Variants in HNRNPH3 observed in about 807,000 individuals in gnomAD.
The protein encoded by HNRNPH3 is heterogeneous nuclear ribonucleoprotein H3, also known as heterogeneous nuclear ribonucleoprotein 2H9.
HNRNPH3 carries 7 observed loss-of-function variants against 47.0 expected under a neutral mutation model. That is an observed-to-expected ratio of 0.15 (90% CI 0.08 to 0.28). HNRNPH3 has a LOEUF of 0.28. Among genes scored for constraint, HNRNPH3 ranks in the 10% least tolerant of loss-of-function variants. The pLI is 1.00. For synonymous variants in HNRNPH3, 120 were observed against 143.2 expected, an observed-to-expected ratio of 0.84 and a Z score of 1.16; for missense variants, 279 against 449.6, an observed-to-expected ratio of 0.62 and a Z score of 3.43.
intron 1 of HNRNPH3, among the ~76,000 whole-genome samples, chr10:68,334,958 G>A (rs982547632): frequency 3.3e-5 from 5 of 152,112 alleles, no homozygotes; most frequent in African/African-American, 2.4e-5. Context: ...TAGTTTTGAA[G>A]GGGTTGGTAG....
At chr10:68,339,101 G>C (rs368135325) in intron 4 of HNRNPH3, 39 bp from the exon 5 acceptor site, 15 of 1,438,798 alleles carry the variant, frequency 1.0e-5, no homozygotes, top group East Asian at 6.9e-5. Flanking sequence ...TTTATCTCTG[G>C]AAAGTGTGTA....
chr10:68,339,051 A>G, intron 4 of HNRNPH3, 89 bp from the exon 5 acceptor site: 8 of 1,040,346 alleles, frequency 7.7e-6, no homozygotes, highest in Non-Finnish European at 1.1e-5. Flanking sequence ...AGTTACACAG[A>G]CTGTTACCAC....
chr10:68,338,221 A>T (rs1175494518), intron 3 of HNRNPH3: 5 of 458,648 alleles, frequency 1.1e-5, no homozygotes, highest in Non-Finnish European at 1.9e-5. Flanking sequence ...TTGTTGATAA[A>T]TGCTTTTGTA....
Position 68,337,745 on chromosome 10 carries a change from TTTTTGTTTTG to T in HNRNPH3, c.113-99_113-90del, listed in dbSNP as rs55863130. 1 of 782,880 alleles carries T rather than the reference TTTTTGTTTTG, an allele frequency of 1.3e-6. No individual in the cohort carries two copies. Among genetic ancestry groups the T allele is most frequent in the Non-Finnish European group, 2.0e-6 (1 of 501,632 alleles). 48.5% of individuals were successfully genotyped at this position (782,880 alleles called of 1,614,324 possible). ...TTATGGGGTGATGGGAAACTAAGCT[TTTTTGTTTTG>T]TTTTGTTTTGTTTAGACTTGTTTTA... On this transcript the variant is annotated intron_variant, in intron 2 of 9. Transcript: ENST00000265866. This position sits in a 1 kb window ranked among gnomAD's most constrained non-coding sequence, Gnocchi z 4.5.
At chr10:68,339,119 G>T in intron 4 of HNRNPH3, 21 bp from the exon 5 acceptor site, 2 of 1,560,468 alleles carry the variant, frequency 1.3e-6, no homozygotes, top group Non-Finnish European at 1.8e-6. Context: ...GTAGTCATGT[G>T]TTTCTCCTTA....
In HNRNPH3 at chr10:68,341,008, C is replaced by T. The variant is rs75052958; in HGVS notation, c.640-166C>T. 2,773 of 529,672 alleles carry T rather than the reference C, an allele frequency of 5.2e-3. 121 individuals carry two copies. The East Asian group carries it at 0.08, about 15-fold the overall frequency. 32.8% of individuals were successfully genotyped at this position (529,672 alleles called of 1,614,324 possible). A position where few individuals can be genotyped will look rare whatever the true frequency, so the allele number is the denominator to read the frequency against. ...AAGCAGTAAATTCTTTACATTATCC[C>T]TAAGTGTATACTCTGATATTCACAG... is the stretch of plus-strand genomic sequence containing the variant. On this transcript the variant is annotated intron_variant, in intron 6 of 9. Transcript: ENST00000265866.
intron 1 of HNRNPH3, among the ~76,000 whole-genome samples, chr10:68,332,599 A>G (rs2045228548): frequency 6.6e-6 from 1 of 152,020 alleles, no homozygotes; most frequent in African/African-American, 2.4e-5. Context: ...CTAGAAGGCC[A>G]GGGGAGGGGG....
intron 1 of HNRNPH3, among the ~76,000 whole-genome samples, chr10:68,335,426 A>G: frequency 7.9e-6 from 1 of 125,982 alleles, no homozygotes; most frequent in Non-Finnish European, 1.9e-5. Context: ...GGTTGGTGCT[A>G]TTTAAAAAAA....
chr10:68,337,764 T>TGTTTC lies in HNRNPH3; in HGVS notation c.113-90_113-89insCGTTT, dbSNP rs145599890. The TGTTTC allele has an allele frequency of 8.7e-7, 1 of 1,146,240 alleles. No homozygotes were observed. Among genetic ancestry groups the TGTTTC allele is most frequent in the South Asian group, 1.8e-5 (1 of 56,278 alleles). The allele number at this position is 1,146,240 out of a possible 1,614,324, so 71.0% of individuals were successfully genotyped here. A position where few individuals can be genotyped will look rare whatever the true frequency, so the allele number is the denominator to read the frequency against. ...TAAGCTTTTTTGTTTTGTTTTGTTT[T>TGTTTC]GTTTAGACTTGTTTTAAATATTTGA... On this transcript the variant is annotated intron_variant, in intron 2 of 9. Transcript: ENST00000265866. The surrounding 1 kb of genome is among the most constrained non-coding windows in gnomAD (Gnocchi z 4.5).
At chr10:68,340,789 T>C (rs2045868372) in intron 6 of HNRNPH3, among the ~76,000 whole-genome samples, 1 of 144,138 alleles carries the variant, frequency 6.9e-6, no homozygotes, top group Non-Finnish European at 1.5e-5. Flanking sequence ...ATCCCGTATT[T>C]CTCTCTGTGT....
Position 68,337,637 on chromosome 10 carries a change from A to C in HNRNPH3, c.113-221A>C. 1.9e-6 allele frequency: 1 copy of C among 532,172 alleles called. No individual in the cohort carries two copies. Among genetic ancestry groups the C allele is most frequent in the Non-Finnish European group, 3.3e-6 (1 of 299,918 alleles). The allele number at this position is 532,172 out of a possible 1,614,324, so 33.0% of individuals were successfully genotyped here. ...TCATGTAATATAGGTGGGCTTTTAG[A>C]GTGTGTAATTACACAGTGTTTTTAC... is the stretch of plus-strand genomic sequence containing the variant. On this transcript the variant is annotated intron_variant, in intron 2 of 9. Coordinates refer to ENST00000265866, the MANE Select transcript of HNRNPH3 (RefSeq NM_012207.3). The surrounding 1 kb of genome is among the most constrained non-coding windows in gnomAD (Gnocchi z 4.5).
rs769126327 is a variant in HNRNPH3 at position 68,339,256 on chromosome 10, C to T, written c.523+30C>T. On this transcript the variant is annotated intron_variant, in intron 5 of 9. Coordinates refer to ENST00000265866, the MANE Select transcript of HNRNPH3 (RefSeq NM_012207.3). ...AATAAATATTAAAGACATTTTTATT[C>T]ATAGGTAAATTTTAGTATTTGCTTT... 11 of 1,576,690 alleles carry T rather than the reference C, an allele frequency of 7.0e-6. No individual in the cohort carries two copies. The African/African-American group carries it at 8.1e-5, about 12-fold the overall frequency.
rs777967068 is a variant in HNRNPH3 at position 68,342,019 on chromosome 10, G to C, written c.1006G>C (p.Gly336Arg). 1.4e-5 allele frequency: 22 copies of C among 1,613,862 alleles called. No homozygotes were observed. Among genetic ancestry groups the C allele is most frequent in the Non-Finnish European group, 1.8e-5 (21 of 1,180,000 alleles). ...CAGTGGAGGTTACTATGGGCAAGGC[G>C]GCATGAGTGGAGGTGGATGGCGTGG... ...GGSGGYYGQGGMSGGGWRGMY is the reference protein window; with the variant it reads ...GGSGGYYGQGRMSGGGWRGMY Residue 336 changes from glycine to arginine, a missense_variant, in exon 10 of 10, where the codon GGC becomes CGC. Around this residue, in one of 2 missense-constraint regions of HNRNPH3, gnomAD observed 239 missense variants for 335.8 expected, o/e 0.71. Coordinates refer to ENST00000265866, the MANE Select transcript of HNRNPH3 (RefSeq NM_012207.3).
At chr10:68,340,739 T>G (rs2045863069) in intron 6 of HNRNPH3, among the ~76,000 whole-genome samples, 1 of 152,208 alleles carries the variant, frequency 6.6e-6, no homozygotes, top group Non-Finnish European at 1.5e-5. Flanking sequence ...TAGTCTTAAA[T>G]AGGTGGCTTT....
chr10:68,336,599 C>G (rs1161539820), intron 1 of HNRNPH3, among the ~76,000 whole-genome samples: 1 of 152,078 alleles, frequency 6.6e-6, no homozygotes, highest in Non-Finnish European at 1.5e-5. Flanking sequence ...TATAATCTTG[C>G]TCTTGGTGAG....
chr10:68,339,685 T>A, intron 6 of HNRNPH3, 130 bp downstream of exon 6: 1 of 614,098 alleles, frequency 1.6e-6, no homozygotes, highest in Non-Finnish European at 2.8e-6. Flanking sequence ...GATCTACCTT[T>A]AATTCTTTTT....
In HNRNPH3 at chr10:68,339,436, C is replaced by G; in HGVS notation, c.524-4C>G. 6.2e-7 allele frequency: 1 copy of G among 1,611,202 alleles called. No individual in the cohort carries two copies. ...TTATAATCTTGGCAAATTGTGTTTTCCAGGTATGGGAGGACATGGCTATGG... is the reference window on the plus strand; with the variant it reads ...TTATAATCTTGGCAAATTGTGTTTTGCAGGTATGGGAGGACATGGCTATGG... On this transcript the variant is annotated splice_region_variant and splice_polypyrimidine_tract_variant and intron_variant, in intron 5 of 9. Coordinates refer to ENST00000265866, the MANE Select transcript of HNRNPH3 (RefSeq NM_012207.3).
At chr10:68,334,569 C>T (rs2045431983) in intron 1 of HNRNPH3, among the ~76,000 whole-genome samples, 1 of 152,184 alleles carries the variant, frequency 6.6e-6, no homozygotes, top group Non-Finnish European at 1.5e-5. Flanking sequence ...CTTTACTGGT[C>T]ATTCCCATTG....
At chr10:68,338,278 A>G (rs959888311) in intron 3 of HNRNPH3, 15 of 458,456 alleles carry the variant, frequency 3.3e-5, no homozygotes, top group Non-Finnish European at 5.0e-5. Flanking sequence ...TAAAAGAGAC[A>G]AAGTAAAAAT....
Sources: allele counts gnomAD v4.1 joint callset (sites outside exome capture counted in the v4.1 genomes callset), GRCh38; gene constraint gnomAD v4.1.1; regional missense constraint gnomAD v4.1.1; non-coding constraint Gnocchi (gnomAD v3.1); transcripts MANE v1.5; gene names NCBI Gene and HGNC (gene_info 2026-07-23, HGNC 2026-07-21).